The following POM121 variants were observed in gnomAD, a reference collection of about 807,000 sequenced individuals.
POM121 encodes the protein POM121 transmembrane nucleoporin, also known as nuclear envelope pore membrane protein POM 121.
POM121 carries 32 observed loss-of-function variants against 81.3 expected under a neutral mutation model. That is an observed-to-expected ratio of 0.39 (90% CI 0.30 to 0.53). The LOEUF (loss-of-function observed/expected upper bound fraction) is 0.53. Among genes scored for constraint, POM121 ranks in the 20% least tolerant of loss-of-function variants. The pLI, the probability that POM121 is intolerant of heterozygous loss-of-function variation, is 0.66. For synonymous variants in POM121, 514 were observed against 694.2 expected, an observed-to-expected ratio of 0.74 and a Z score of 4.08; for missense variants, 1,138 against 1,614.6, an observed-to-expected ratio of 0.70 and a Z score of 5.06.
At chr7:72,949,070 C>T (rs781966951), downstream of POM121, 1 of 1,613,290 alleles carries the variant, frequency 6.2e-7, no homozygotes, top group South Asian at 1.1e-5. Context: ...GGTGTCCCTG[C>T]CCCGGGCTCC....
chr7:72,935,069 T>C lies in POM121; in HGVS notation c.1276-3521T>C, dbSNP rs1364661037. ...AAAAAAAAAAAAAGTTCTGAGATAC[T>C]GATTGGGATTGCCTTTCATCTACTG... On this transcript the variant is annotated intron_variant, in intron 5 of 12. Coordinates refer to ENST00000434423, the MANE Select transcript of POM121 (RefSeq NM_001387691.1). 1.3e-4 allele frequency among the ~76,000 whole-genome samples: 20 copies of C among 152,026 alleles called. 1 individual carries two copies. Among genetic ancestry groups the C allele is most frequent in the Non-Finnish European group, 2.5e-4 (17 of 68,032 alleles).
At chr7:72,896,850 C>T (rs1290642123) in intron 3 of POM121, among the ~76,000 whole-genome samples, 2 of 152,260 alleles carry the variant, frequency 1.3e-5, no homozygotes, top group Non-Finnish European at 2.9e-5. Context: ...CTGTTAAGCA[C>T]TGGGAATAAG....
At chr7:72,889,033 C>T (rs1176675414) in intron 1 of POM121, among the ~76,000 whole-genome samples, 1 of 151,986 alleles carries the variant, frequency 6.6e-6, no homozygotes, top group Non-Finnish European at 1.5e-5. Flanking sequence ...TGTTTTTAAT[C>T]TGGTACTGGA....
chr7:72,935,400 C>T (rs1796415841), intron 5 of POM121, among the ~76,000 whole-genome samples: 1 of 152,208 alleles, frequency 6.6e-6, no homozygotes. Context: ...GTCTCAAACT[C>T]CTGAGCTCAA....
At chr7:72,934,547 A>G (rs1206897387) in intron 5 of POM121, among the ~76,000 whole-genome samples, 3 of 152,028 alleles carry the variant, frequency 2.0e-5, no homozygotes, top group Admixed American at 6.6e-5. Context: ...ATCTTTGCCT[A>G]CCTAACCTAA....
downstream of POM121, chr7:72,950,223 C>G: frequency 6.2e-7 from 1 of 1,608,050 alleles, no homozygotes; most frequent in Non-Finnish European, 8.5e-7. Flanking sequence ...ATTCATTCAT[C>G]ATTTCCTGAA....
chr7:72,948,608 G>A (rs1243885772), downstream of POM121: 7 of 1,606,520 alleles, frequency 4.4e-6, no homozygotes, highest in African/African-American at 8.1e-5. Flanking sequence ...CTAGAGAAAT[G>A]TAGATGTTAG....
chr7:72,925,802 T>C, intron 1 of POM121, 37 bp downstream of exon 1: 2 of 1,316,700 alleles, frequency 1.5e-6, no homozygotes, highest in South Asian at 3.9e-5. Context: ...ATCCTCTGGC[T>C]CGGCTGGCTT....
At chr7:72,929,449 A>G (rs1261155816) in intron 4 of POM121, among the ~76,000 whole-genome samples, 1 of 152,180 alleles carries the variant, frequency 6.6e-6, no homozygotes, top group Non-Finnish European at 1.5e-5. Flanking sequence ...TTCTGTTTCC[A>G]TTGGAGGTTT....
chr7:72,923,289 T>A (rs1477640508), upstream of POM121, among the ~76,000 whole-genome samples: 1 of 152,126 alleles, frequency 6.6e-6, no homozygotes, highest in African/African-American at 2.4e-5. Context: ...TCTATCCCCC[T>A]AAACACCCTA....
intron 11 of POM121, among the ~76,000 whole-genome samples, chr7:72,944,644 G>C (rs1797480135): frequency 6.6e-6 from 1 of 152,136 alleles, no homozygotes; most frequent in Non-Finnish European, 1.5e-5. Flanking sequence ...ACAGCAGGAG[G>C]GGCAGCGGGT....
chr7:72,901,342 G>A (rs1463176205), intron 3 of POM121, among the ~76,000 whole-genome samples: 2 of 150,490 alleles, frequency 1.3e-5, no homozygotes, highest in Non-Finnish European at 3.0e-5. Context: ...ATCCTGAGTA[G>A]CTAGGACTCA....
At chr7:72,936,084 C>A (rs2129579207) in intron 5 of POM121, among the ~76,000 whole-genome samples, 1 of 151,916 alleles carries the variant, frequency 6.6e-6, no homozygotes, top group African/African-American at 2.4e-5. Flanking sequence ...TATGTACAGT[C>A]AATGAAGTAG....
At chr7:72,924,255 ATCT>A (rs2129577581), upstream of POM121, among the ~76,000 whole-genome samples, 1 of 152,214 alleles carries the variant, frequency 6.6e-6, no homozygotes, top group Admixed American at 6.5e-5. Context: ...CTGAATTGCA[ATCT>A]TCTACTTACA....
At chr7:72,904,252 A>G (rs1195856652) in intron 3 of POM121, among the ~76,000 whole-genome samples, 2 of 152,248 alleles carry the variant, frequency 1.3e-5, no homozygotes, top group African/African-American at 2.4e-5. Context: ...GAAATTCCAT[A>G]GTACACATGG....
exon 1 of POM121, chr7:72,879,872 A>G (rs1789954008): frequency 3.9e-5 from 20 of 513,780 alleles, no homozygotes; most frequent in South Asian, 2.3e-4. Flanking sequence ...CAGAGGCTGC[A>G]GAGCCCCAGG....
chr7:72,925,353 C>T lies in POM121; in HGVS notation c.232C>T (p.Pro78Ser), dbSNP rs1554496974. The T allele has an allele frequency of 1.3e-6, 2 of 1,523,124 alleles. No individual in the cohort carries two copies. Among genetic ancestry groups the T allele is most frequent in the South Asian group, 2.4e-5 (2 of 83,720 alleles). 94.4% of individuals were successfully genotyped at this position (1,523,124 alleles called of 1,614,324 possible). A position where few individuals can be genotyped will look rare whatever the true frequency, so the allele number is the denominator to read the frequency against. Residue 78 changes from proline to serine, a missense_variant, in exon 1 of 13, where the codon CCC becomes TCC. Physicochemically the swap from Pro to Ser is moderately conservative, Grantham distance 74. Coordinates refer to ENST00000434423, the MANE Select transcript of POM121 (RefSeq NM_001387691.1). ...GLSREPRGSR[P>S]LSSFVRKARH... Reference sequence around the variant, plus strand: ...GAGCCGCGAGCCCCGAGGTTCGCGCCCCTTGTCCTCCTTCGTTCGGAAGGC... The same window carrying T: ...GAGCCGCGAGCCCCGAGGTTCGCGCTCCTTGTCCTCCTTCGTTCGGAAGGC...
chr7:72,923,466 G>C (rs1446606098), upstream of POM121, among the ~76,000 whole-genome samples: 1 of 151,996 alleles, frequency 6.6e-6, no homozygotes, highest in Non-Finnish European at 1.5e-5. Flanking sequence ...GACAGCCCAG[G>C]CTGGAGTGTG....
At chr7:72,882,166 G>T (rs1193659653) in intron 1 of POM121, among the ~76,000 whole-genome samples, 1 of 152,092 alleles carries the variant, frequency 6.6e-6, no homozygotes, top group African/African-American at 2.4e-5. Context: ...ACCAAGACTG[G>T]GTAATTTATA....
Sources: gnomAD v4.1 joint callset for allele counts (sites outside exome capture counted in the v4.1 genomes callset) on GRCh38, gnomAD v4.1.1 for gene constraint, MANE v1.5 for transcripts, NCBI Gene and HGNC (gene_info 2026-07-23, HGNC 2026-07-21) for gene names.